Variants in ARL8B observed in about 807,000 individuals in gnomAD.
ARL8B encodes the protein ARF like GTPase 8B, also known as ADP-ribosylation factor-like protein 8B.
ARL8B carries 9 observed loss-of-function variants against 30.6 expected under a neutral mutation model. The observed-to-expected ratio is 0.29, with a 90% confidence interval of 0.18 to 0.51. The LOEUF (loss-of-function observed/expected upper bound fraction) is 0.51, where lower values mean the gene tolerates loss of function less well. Among genes scored for constraint, ARL8B ranks in the 20% least tolerant of loss-of-function variants. The probability of loss-of-function intolerance (pLI) is 0.97; values close to 1 mark genes in which losing one functional copy is unlikely to be tolerated. For synonymous variants in ARL8B, 74 were observed against 76.0 expected (o/e 0.97, Z 0.14); for missense variants, 130 against 227.2 (o/e 0.57, Z 2.75).
intron 1 of ARL8B, among the ~76,000 whole-genome samples, chr3:5,123,721 CTT>C (rs1559272706): frequency 6.6e-6 from 1 of 152,150 alleles, no homozygotes; most frequent in African/African-American, 2.4e-5. Flanking sequence ...AAATAGGTAA[CTT>C]GTGATTCTTA....
intron 4 of ARL8B, 145 bp from the exon 5 acceptor site, chr3:5,173,872 A>C (rs1256754572): frequency 5.6e-6 from 4 of 710,712 alleles, no homozygotes; most frequent in Non-Finnish European, 1.0e-5. Flanking sequence ...GAAATGAATG[A>C]GACAAGCCAC....
chr3:5,151,929 G>A lies in ARL8B; in HGVS notation c.124-18574G>A, dbSNP rs76906594. Among the ~76,000 whole-genome samples, 647 of 152,250 alleles carry A rather than the reference G, an allele frequency of 4.2e-3. 25 individuals carry two copies. The East Asian group carries it at 0.095, about 22-fold the overall frequency. On this transcript the variant is annotated intron_variant, in intron 1 of 6. Transcript: ENST00000256496. ...TTTTGTAGAGACCGAGTCTTGCCAT[G>A]TAACTTAGGCCAGTCTTGAATCCTC...
intron 1 of ARL8B, among the ~76,000 whole-genome samples, chr3:5,162,377 G>C (rs2054591077): frequency 6.6e-6 from 1 of 152,172 alleles, no homozygotes; most frequent in Admixed American, 6.5e-5. Context: ...AGAATCTAGG[G>C]TTGCCTTTAT....
intron 1 of ARL8B, among the ~76,000 whole-genome samples, chr3:5,124,211 C>T (rs1214644070): frequency 6.8e-6 from 1 of 147,896 alleles, no homozygotes; most frequent in Non-Finnish European, 1.5e-5. Context: ...GAATGACTAT[C>T]TTTCCGCAGG....
chr3:5,141,930 G>A (rs1397612694), intron 1 of ARL8B, among the ~76,000 whole-genome samples: 1 of 152,158 alleles, frequency 6.6e-6, no homozygotes, highest in Non-Finnish European at 1.5e-5. Flanking sequence ...ACAGAAGAGT[G>A]CTGACTCAAA....
In ARL8B at chr3:5,176,208, A is replaced by G. The variant is rs78001971; in HGVS notation, c.511+1794A>G. Among the ~76,000 whole-genome samples the G allele has an allele frequency of 5.0e-4, 76 of 151,476 alleles. 1 individual carries two copies. The East Asian group carries it at 0.014, about 28-fold the overall frequency. On this transcript the variant is annotated intron_variant, in intron 6 of 6. Transcript: ENST00000256496. ...TCTATCCTTCCCTAACTCACCTTCC[A>G]CCCCGCCTGCAAACATGGCTTTATT...
At chr3:5,134,107 A>G (rs1559276285) in intron 1 of ARL8B, among the ~76,000 whole-genome samples, 1 of 152,038 alleles carries the variant, frequency 6.6e-6, no homozygotes, top group East Asian at 1.9e-4. Flanking sequence ...CTTCAGGAGT[A>G]TAAGAGATAC....
intron 1 of ARL8B, among the ~76,000 whole-genome samples, chr3:5,129,527 G>A (rs1456745582): frequency 6.6e-6 from 1 of 152,014 alleles, no homozygotes; most frequent in Non-Finnish European, 1.5e-5. Flanking sequence ...CAACTGCCAA[G>A]ACTGATAACT....
intron 1 of ARL8B, among the ~76,000 whole-genome samples, chr3:5,147,624 A>G (rs2054440291): frequency 6.6e-6 from 1 of 152,026 alleles, no homozygotes; most frequent in African/African-American, 2.4e-5. Flanking sequence ...CCTCTTCCAC[A>G]GTGGAAACCA....
intron 1 of ARL8B, among the ~76,000 whole-genome samples, chr3:5,158,585 A>G (rs2054552033): frequency 6.6e-6 from 1 of 152,242 alleles, no homozygotes; most frequent in Non-Finnish European, 1.5e-5. Flanking sequence ...AGGTAACGTC[A>G]GAGTTGTTAC....
At chr3:5,157,624 C>G (rs1255453928) in intron 1 of ARL8B, 4 of 152,250 alleles carry the variant, frequency 2.6e-5, no homozygotes, top group African/African-American at 9.6e-5. Flanking sequence ...TGGTCCATAG[C>G]TGCCTTAAGT....
At chr3:5,140,121 T>G (rs1000650003) in intron 1 of ARL8B, among the ~76,000 whole-genome samples, 1 of 151,930 alleles carries the variant, frequency 6.6e-6, no homozygotes, top group East Asian at 1.9e-4. Flanking sequence ...GGAGCGTGTG[T>G]GGCAGTGTTT....
intron 1 of ARL8B, among the ~76,000 whole-genome samples, chr3:5,140,692 G>C (rs2054365696): frequency 6.6e-6 from 1 of 152,128 alleles, no homozygotes; most frequent in African/African-American, 2.4e-5. Context: ...GGCTGTATGT[G>C]TGCAGCCGTA....
chr3:5,154,166 A>G (rs972825168), intron 1 of ARL8B, among the ~76,000 whole-genome samples: 6 of 151,636 alleles, frequency 4.0e-5, no homozygotes, highest in African/African-American at 1.5e-4. Flanking sequence ...TTGTCTTTGG[A>G]AATTTTGGAA....
chr3:5,150,324 G>C (rs369144838), intron 1 of ARL8B, among the ~76,000 whole-genome samples: 34 of 151,766 alleles, frequency 2.2e-4, no homozygotes, highest in Non-Finnish European at 4.4e-5. Flanking sequence ...TTAGCCAGGC[G>C]TGGTGGCACA....
intron 1 of ARL8B, among the ~76,000 whole-genome samples, chr3:5,130,678 G>T (rs1158911015): frequency 6.6e-6 from 1 of 151,926 alleles, no homozygotes; most frequent in African/African-American, 2.4e-5. Flanking sequence ...TGGGATTACA[G>T]GCTTGCGCCA....
At chr3:5,126,657 AATG>A (rs2054232379) in intron 1 of ARL8B, among the ~76,000 whole-genome samples, 1 of 152,204 alleles carries the variant, frequency 6.6e-6, no homozygotes, top group South Asian at 2.1e-4. Context: ...TTAAAACTGA[AATG>A]ATACCTAATT....
chr3:5,134,485 A>G (rs1360177942), intron 1 of ARL8B, among the ~76,000 whole-genome samples: 1 of 152,214 alleles, frequency 6.6e-6, no homozygotes, highest in African/African-American at 2.4e-5. Flanking sequence ...TTAGGTTTGT[A>G]TAGTGACTTT....
intron 6 of ARL8B, among the ~76,000 whole-genome samples, chr3:5,177,772 T>A (rs1003211209): frequency 1.3e-5 from 2 of 152,182 alleles, no homozygotes; most frequent in African/African-American, 4.8e-5. Flanking sequence ...CTTAAATATT[T>A]AAATTTGGTT....
Sources: gnomAD v4.1 joint callset for allele counts (sites outside exome capture counted in the v4.1 genomes callset) on GRCh38, gnomAD v4.1.1 for gene constraint, MANE v1.5 for transcripts, NCBI Gene and HGNC (gene_info 2026-07-23, HGNC 2026-07-21) for gene names.